The following CTNNA2 variants were observed in gnomAD, a reference collection of about 807,000 sequenced individuals.
CTNNA2 encodes the protein catenin alpha 2.
CTNNA2 carries 42 observed loss-of-function variants against 101.0 expected under a neutral mutation model. The ratio of observed to expected loss-of-function variants is 0.42; its 90% CI spans 0.32 to 0.54. The LOEUF (loss-of-function observed/expected upper bound fraction) is 0.54. Ranked by LOEUF, CTNNA2 falls within the 20% of genes least tolerant of loss-of-function variation. The pLI is 0.14. For synonymous variants in CTNNA2, 450 were observed against 456.4 expected (o/e 0.99, Z 0.18); for missense variants, 871 against 1,223.1 (o/e 0.71, Z 4.29).
chr2:80,325,203 A>T (rs1360819604), intron 7 of CTNNA2, among the ~76,000 whole-genome samples: 1 of 152,210 alleles, frequency 6.6e-6, no homozygotes, highest in Non-Finnish European at 1.5e-5. Context: ...TGTTTCTAGA[A>T]GAGGGAAGAA....
At chr2:80,393,150 A>T in intron 7 of CTNNA2, 61 bp from the exon 8 acceptor site, 1 of 1,310,518 alleles carries the variant, frequency 7.6e-7, no homozygotes, top group Non-Finnish European at 1.0e-6. Flanking sequence ...ATTTTTTTAA[A>T]TTTTTAATGT....
intron 7 of CTNNA2, among the ~76,000 whole-genome samples, chr2:80,135,345 T>C (rs1471537671): frequency 1.3e-5 from 2 of 152,130 alleles, no homozygotes; most frequent in East Asian, 1.9e-4. Context: ...CTGAAACTCA[T>C]GGGGAGCAAT....
chr2:79,929,652 G>A (rs939700890), intron 7 of CTNNA2, among the ~76,000 whole-genome samples: 1 of 152,170 alleles, frequency 6.6e-6, no homozygotes, highest in Non-Finnish European at 1.5e-5. Context: ...GCATCTGTTG[G>A]TTGTAGGATG....
intron 7 of CTNNA2, among the ~76,000 whole-genome samples, chr2:80,005,049 A>G (rs1352096536): frequency 6.6e-6 from 1 of 152,112 alleles, no homozygotes; most frequent in African/African-American, 2.4e-5. Context: ...CTCTTTATTA[A>G]AAGGTCTTGC....
At chr2:80,074,078 T>G (rs574071262) in intron 7 of CTNNA2, among the ~76,000 whole-genome samples, 2 of 152,318 alleles carry the variant, frequency 1.3e-5, no homozygotes, top group South Asian at 4.1e-4. Context: ...ACCAAATGAT[T>G]TTTGAAAATA....
intron 7 of CTNNA2, among the ~76,000 whole-genome samples, chr2:79,982,214 A>ATATATATATATATATG (rs1691343803): frequency 2.7e-5 from 1 of 36,978 alleles, no homozygotes; most frequent in Non-Finnish European, 7.5e-5. Context: ...ATATATATAT[A>ATATATATATATATATG]TATATATATA....
At chr2:79,399,010 T>A (rs1216137287) in intron 4 of CTNNA2, among the ~76,000 whole-genome samples, 2 of 152,086 alleles carry the variant, frequency 1.3e-5, no homozygotes, top group African/African-American at 4.8e-5. Context: ...GAGGTAGAAC[T>A]GAATTTAGCC....
At chr2:79,196,917 G>A (rs1673968906) in intron 1 of CTNNA2, among the ~76,000 whole-genome samples, 2 of 152,268 alleles carry the variant, frequency 1.3e-5, no homozygotes, top group South Asian at 4.1e-4. Flanking sequence ...TCATGGTTCT[G>A]ATTTATATTT....
At chr2:79,285,853 G>A (rs1268072295) in intron 2 of CTNNA2, among the ~76,000 whole-genome samples, 1 of 147,238 alleles carries the variant, frequency 6.8e-6, no homozygotes, top group East Asian at 2.0e-4. Context: ...TGACAGTGGG[G>A]TGTTAAAGTC....
At chr2:79,776,754 C>T (rs964543977) in intron 3 of CTNNA2, among the ~76,000 whole-genome samples, 2 of 152,130 alleles carry the variant, frequency 1.3e-5, no homozygotes, top group Non-Finnish European at 2.9e-5. Context: ...ACAGAAAATA[C>T]ATTTCCTAAT....
At chr2:79,847,543 A>AG (rs1671296343) in intron 3 of CTNNA2, among the ~76,000 whole-genome samples, 1 of 22,234 alleles carries the variant, frequency 4.5e-5, no homozygotes, top group Admixed American at 4.8e-4. Context: ...ACTCTGTCTC[A>AG]AAAAAAAAAA....
intron 2 of CTNNA2, among the ~76,000 whole-genome samples, chr2:79,733,198 T>C (rs1016041021): frequency 6.6e-6 from 1 of 152,136 alleles, no homozygotes; most frequent in Admixed American, 6.6e-5. Flanking sequence ...TTTTTCTTTT[T>C]AAAGATTTGC....
chr2:80,548,302 A>C (rs1388631316), intron 11 of CTNNA2, among the ~76,000 whole-genome samples: 1 of 152,118 alleles, frequency 6.6e-6, no homozygotes, highest in African/African-American at 2.4e-5. Context: ...AATCAATAGG[A>C]AATACCTATA....
chr2:80,359,043 T>C (rs1057433439), intron 7 of CTNNA2, among the ~76,000 whole-genome samples: 16 of 152,080 alleles, frequency 1.1e-4, no homozygotes, highest in African/African-American at 3.9e-4. Flanking sequence ...TCCATTACTG[T>C]AGGCTCACTA....
chr2:79,813,051 A>G (rs558584360), intron 3 of CTNNA2, among the ~76,000 whole-genome samples: 1 of 152,194 alleles, frequency 6.6e-6, no homozygotes, highest in Admixed American at 6.5e-5. Flanking sequence ...AGGTGACTGC[A>G]GTGACAGTTT....
intron 2 of CTNNA2, among the ~76,000 whole-genome samples, chr2:79,297,340 A>AAAG (rs1676002488): frequency 6.6e-6 from 1 of 152,126 alleles, no homozygotes; most frequent in Admixed American, 6.5e-5. Context: ...TCTGTTCTGA[A>AAAG]ATCTTAACTT....
At chr2:80,235,132 G>A (rs1014622298) in intron 7 of CTNNA2, among the ~76,000 whole-genome samples, 1 of 151,962 alleles carries the variant, frequency 6.6e-6, no homozygotes, top group African/African-American at 2.4e-5. Flanking sequence ...TAAGCTTTGT[G>A]ATTTTTTTCA....
chr2:79,884,294 C>T (rs1683669702), intron 6 of CTNNA2, among the ~76,000 whole-genome samples: 1 of 152,140 alleles, frequency 6.6e-6, no homozygotes, highest in Non-Finnish European at 1.5e-5. Flanking sequence ...CCAATTCTAA[C>T]AACCTAAAAA....
intron 7 of CTNNA2, among the ~76,000 whole-genome samples, chr2:80,189,795 A>G (rs2148995452): frequency 6.6e-6 from 1 of 152,222 alleles, no homozygotes; most frequent in East Asian, 1.9e-4. Flanking sequence ...TAAAACAAAA[A>G]AATATTTCCC....
Sources: gnomAD v4.1 joint callset for allele counts (sites outside exome capture counted in the v4.1 genomes callset) on GRCh38, gnomAD v4.1.1 for gene constraint, MANE v1.5 for transcripts, NCBI Gene and HGNC (gene_info 2026-07-23, HGNC 2026-07-21) for gene names.